LHFPL3: variants seen among roughly 807,000 people sequenced by gnomAD.
LHFPL3 encodes LHFPL tetraspan subfamily member 3 protein.
LHFPL3 carries 5 observed loss-of-function variants against 19.3 expected under a neutral mutation model. The ratio of observed to expected loss-of-function variants is 0.26; its 90% CI spans 0.14 to 0.54. The LOEUF (loss-of-function observed/expected upper bound fraction) is 0.54. Among genes scored for constraint, LHFPL3 ranks in the 20% least tolerant of loss-of-function variants. The pLI, the probability that LHFPL3 is intolerant of heterozygous loss-of-function variation, is 0.94. For missense variants in LHFPL3, 249 were observed against 307.4 expected (o/e 0.81, Z 1.42); for synonymous variants, 133 against 126.2 (o/e 1.05, Z -0.36).
chr7:104,558,520 G>A (rs1311441539), intron 1 of LHFPL3, among the ~76,000 whole-genome samples: 1 of 151,974 alleles, frequency 6.6e-6, no homozygotes, highest in Non-Finnish European at 1.5e-5. Context: ...ACTTTTTGAT[G>A]GGGTTGTTTG....
intron 2 of LHFPL3, among the ~76,000 whole-genome samples, chr7:104,769,923 G>C (rs1378566384): frequency 6.6e-6 from 1 of 152,068 alleles, no homozygotes; most frequent in Non-Finnish European, 1.5e-5. Context: ...ATTTCATATG[G>C]TTCAATCTAA....
At chr7:104,769,507 A>G (rs893452372) in intron 2 of LHFPL3, among the ~76,000 whole-genome samples, 8 of 152,166 alleles carry the variant, frequency 5.3e-5, no homozygotes, top group Non-Finnish European at 7.4e-5. Context: ...TGTGCAGAAC[A>G]TGCAGGTTTG....
intron 1 of LHFPL3, among the ~76,000 whole-genome samples, chr7:104,642,272 A>G (rs1791851500): frequency 6.6e-6 from 1 of 152,012 alleles, no homozygotes; most frequent in Admixed American, 6.6e-5. Context: ...TCCTTGCCTC[A>G]AGTGATCCGC....
intron 1 of LHFPL3, among the ~76,000 whole-genome samples, chr7:104,457,316 G>T (rs372330212): frequency 7.4e-6 from 1 of 135,234 alleles, no homozygotes; most frequent in Non-Finnish European, 1.5e-5. Context: ...TCCCCTTCCT[G>T]TGTCCATGTG....
At position 104,563,367 on chromosome 7, in the gene LHFPL3, C is replaced by G. The variant is rs561978984; in HGVS notation, c.446-173308C>G. On this transcript the variant is annotated intron_variant, in intron 1 of 2. Coordinates refer to ENST00000424859, the MANE Select transcript of LHFPL3 (RefSeq NM_199000.3). ...GGCGTAGGACCCTCCGAGCCAGGTGCGGGATATAATCTCGTGGTGCACCGT... is the reference window on the plus strand; with the variant it reads ...GGCGTAGGACCCTCCGAGCCAGGTGGGGGATATAATCTCGTGGTGCACCGT... Among the ~76,000 whole-genome samples the G allele has an allele frequency of 1.1e-3, 171 of 152,286 alleles. No homozygotes were observed. The East Asian group carries it at 0.029, about 26-fold the overall frequency.
intron 1 of LHFPL3, among the ~76,000 whole-genome samples, chr7:104,562,282 C>A (rs1022244363): frequency 6.6e-6 from 1 of 151,860 alleles, no homozygotes; most frequent in Non-Finnish European, 1.5e-5. Flanking sequence ...GAGTGTTTTC[C>A]AACTTGGTTC....
At chr7:104,359,047 T>C (rs1232597260) in intron 1 of LHFPL3, among the ~76,000 whole-genome samples, 2 of 152,072 alleles carry the variant, frequency 1.3e-5, no homozygotes, top group Non-Finnish European at 2.9e-5. Flanking sequence ...GGGAGTGAAA[T>C]AGACCTTCCC....
chr7:104,551,111 T>A (rs2115908204), intron 1 of LHFPL3, among the ~76,000 whole-genome samples: 1 of 131,958 alleles, frequency 7.6e-6, no homozygotes. Flanking sequence ...AAACTCATCC[T>A]TGTGTACACA....
intron 1 of LHFPL3, among the ~76,000 whole-genome samples, chr7:104,586,096 A>G (rs1392960425): frequency 1.3e-5 from 2 of 152,160 alleles, no homozygotes; most frequent in Non-Finnish European, 2.9e-5. Flanking sequence ...GAATTAGGAT[A>G]TCAGAACGTC....
At chr7:104,762,978 C>G (rs1322821370) in intron 2 of LHFPL3, among the ~76,000 whole-genome samples, 9 of 152,150 alleles carry the variant, frequency 5.9e-5, no homozygotes, top group Non-Finnish European at 1.2e-4. Context: ...TGGCAAAAGT[C>G]TGAATTAAAG....
chr7:104,512,209 C>A (rs1314779933), intron 1 of LHFPL3, among the ~76,000 whole-genome samples: 1 of 152,016 alleles, frequency 6.6e-6, no homozygotes, highest in East Asian at 1.9e-4. Context: ...CCCGCCTCAG[C>A]CTCCCAAAGT....
intron 1 of LHFPL3, among the ~76,000 whole-genome samples, chr7:104,603,066 T>TTC (rs1453775700): frequency 1.9e-4 from 21 of 108,952 alleles, no homozygotes; most frequent in African/African-American, 4.3e-4. Context: ...CTTTCTTTCT[T>TTC]TTTCTTTCTT....
intron 1 of LHFPL3, among the ~76,000 whole-genome samples, chr7:104,599,505 CA>C (rs1467495689): frequency 6.6e-6 from 1 of 152,176 alleles, no homozygotes; most frequent in Non-Finnish European, 1.5e-5. Context: ...AGCAGTATTA[CA>C]CTTTGAGAAT....
chr7:104,355,382 A>G (rs1012627626), intron 1 of LHFPL3, among the ~76,000 whole-genome samples: 6 of 152,172 alleles, frequency 3.9e-5, no homozygotes, highest in South Asian at 2.1e-4. Context: ...TTGGACCAGC[A>G]TGGTTCTCTA....
intron 2 of LHFPL3, chr7:104,894,619 G>A (rs774186840): frequency 1.2e-4 from 19 of 152,130 alleles, no homozygotes; most frequent in Admixed American, 3.3e-4. Context: ...GTCCAAACAA[G>A]CACTAAGAAA....
chr7:104,666,740 T>C (rs1202946592), intron 1 of LHFPL3, among the ~76,000 whole-genome samples: 1 of 151,654 alleles, frequency 6.6e-6, no homozygotes, highest in East Asian at 1.9e-4. Context: ...GCCGGGATGG[T>C]CTCGATCTCC....
chr7:104,591,762 T>C (rs1348553377), intron 1 of LHFPL3, among the ~76,000 whole-genome samples: 1 of 152,234 alleles, frequency 6.6e-6, no homozygotes, highest in East Asian at 1.9e-4. Flanking sequence ...TAATCAGATG[T>C]AGATTTGGAC....
chr7:104,875,036 T>TG (rs781278554), intron 2 of LHFPL3, among the ~76,000 whole-genome samples: 2 of 150,036 alleles, frequency 1.3e-5, no homozygotes, highest in Non-Finnish European at 3.0e-5. Flanking sequence ...TTTAGAGAGA[T>TG]GGGGTCTCAC....
chr7:104,713,907 A>G (rs1793339660), intron 1 of LHFPL3, among the ~76,000 whole-genome samples: 1 of 152,160 alleles, frequency 6.6e-6, no homozygotes, highest in African/African-American at 2.4e-5. Context: ...CTCCCTGCTC[A>G]GTTTCCAAAA....
Sources: gnomAD v4.1 joint callset for allele counts (sites outside exome capture counted in the v4.1 genomes callset) on GRCh38, gnomAD v4.1.1 for gene constraint, MANE v1.5 for transcripts, NCBI Gene and HGNC (gene_info 2026-07-23, HGNC 2026-07-21) for gene names.